Variants in ADGRL2 observed in about 807,000 individuals in gnomAD.
The protein encoded by ADGRL2 is calcium-independent alpha-latrotoxin receptor 2.
ADGRL2 carries 44 observed loss-of-function variants against 157.4 expected under a neutral mutation model. That is an observed-to-expected ratio of 0.28 (90% confidence interval 0.22 to 0.36). ADGRL2 has a LOEUF of 0.36. Ranked by LOEUF, ADGRL2 falls within the 10% of genes least tolerant of loss-of-function variation. ADGRL2 has a pLI of 1.00. For missense variants in ADGRL2, 1,510 were observed against 1,768.9 expected, an observed-to-expected ratio of 0.85 and a Z score of 2.63; for synonymous variants, 585 against 624.7, an observed-to-expected ratio of 0.94 and a Z score of 0.95.
intron 1 of ADGRL2, among the ~76,000 whole-genome samples, chr1:81,309,666 T>C (rs1476149269): frequency 6.6e-6 from 1 of 152,178 alleles, no homozygotes; most frequent in Non-Finnish European, 1.5e-5. Flanking sequence ...TTAGAAGTTG[T>C]TTCATTTAAC....
intron 3 of ADGRL2, among the ~76,000 whole-genome samples, chr1:81,583,716 C>T (rs755161152): frequency 3.3e-5 from 5 of 152,070 alleles, no homozygotes; most frequent in Non-Finnish European, 7.4e-5. Context: ...TTCAAGCACA[C>T]TTCTAAGGTT....
At chr1:81,781,440 T>TAA (rs974485012) in intron 2 of ADGRL2, among the ~76,000 whole-genome samples, 6 of 150,624 alleles carry the variant, frequency 4.0e-5, no homozygotes, top group Non-Finnish European at 7.4e-5. Flanking sequence ...GTTTTTCAGC[T>TAA]AAAAAAAAAG....
At chr1:81,819,255 G>A (rs1277449838) in intron 1 of ADGRL2, among the ~76,000 whole-genome samples, 1 of 152,068 alleles carries the variant, frequency 6.6e-6, no homozygotes. Context: ...TTAGAATTTG[G>A]CATTTGATTG....
chr1:81,537,857 G>A (rs143391675), intron 2 of ADGRL2, among the ~76,000 whole-genome samples: 6,486 of 151,704 alleles, frequency 0.043, 469 homozygotes, highest in African/African-American at 0.15. Context: ...TCACCACCAC[G>A]CCCAGCTAAT....
At chr1:81,784,910 T>C (rs2086968838) in intron 2 of ADGRL2, among the ~76,000 whole-genome samples, 1 of 152,162 alleles carries the variant, frequency 6.6e-6, no homozygotes, top group South Asian at 2.1e-4. Flanking sequence ...ATTAACTATA[T>C]CTTTTATCTT....
At chr1:81,984,744 C>CCTA in intron 20 of ADGRL2, 33 bp downstream of exon 20, 1 of 1,608,096 alleles carries the variant, frequency 6.2e-7, no homozygotes, top group Non-Finnish European at 8.5e-7. Context: ...CTTTAATTAA[C>CCTA]CTTATTTATA....
Position 81,943,369 on chromosome 1 carries a change from A to T in ADGRL2, c.810A>T (p.Leu270=). 6.2e-7 allele frequency: 1 copy of T among 1,613,740 alleles called. No homozygotes were observed. The highest frequency in any genetic ancestry group is 1.1e-5 in the South Asian group (1 of 91,080). ...YRWGGKTDID[L]AVDENGLWVI... ...GGGGAGGAAAGACTGATATCGACCT[A>T]GCAGTTGATGAAAATGGTTTATGGG... Residue 270 remains leucine, a synonymous_variant, in exon 6 of 24, where the codon CTA becomes CTT. Coordinates refer to ENST00000686636, the MANE Select transcript of ADGRL2 (RefSeq NM_001366006.2). This position sits in a 1 kb window ranked among gnomAD's most constrained non-coding sequence, Gnocchi z 5.6.
chr1:81,430,401 G>A (rs1176448704), intron 1 of ADGRL2, among the ~76,000 whole-genome samples: 1 of 152,182 alleles, frequency 6.6e-6, no homozygotes, highest in Non-Finnish European at 1.5e-5. Flanking sequence ...TTAGATTTGA[G>A]TGGAGAGCTC....
chr1:81,540,711 C>T (rs962011873), intron 2 of ADGRL2, among the ~76,000 whole-genome samples: 1 of 151,960 alleles, frequency 6.6e-6, no homozygotes, highest in Non-Finnish European at 1.5e-5. Flanking sequence ...TACTGACAGG[C>T]CCTGGTAAGA....
intron 3 of ADGRL2, among the ~76,000 whole-genome samples, chr1:81,607,665 T>C (rs1470692457): frequency 2.6e-5 from 4 of 152,228 alleles, no homozygotes; most frequent in Admixed American, 6.5e-5. Flanking sequence ...CCTTGTACTG[T>C]TGAAACATTT....
At chr1:81,419,476 G>A (rs538526080) in intron 1 of ADGRL2, among the ~76,000 whole-genome samples, 3 of 152,274 alleles carry the variant, frequency 2.0e-5, no homozygotes, top group Admixed American at 6.5e-5. Context: ...CCAAAGTACT[G>A]GCATTACAGG....
chr1:81,742,358 A>C (rs77265472), intron 1 of ADGRL2, among the ~76,000 whole-genome samples: 10,616 of 152,068 alleles, frequency 0.07, 471 homozygotes, highest in Non-Finnish European at 0.097. Flanking sequence ...CATATTGCTA[A>C]ACTCTTGTAC....
In ADGRL2 at chr1:81,990,872, C is replaced by A. The variant is rs374881882; in HGVS notation, c.4137C>A (p.Asp1379Glu). The change falls in exon 24 of 24, where the codon GAC becomes GAA. Residue 1379 changes from aspartate (D) to glutamate (E), a missense_variant. Physicochemically the swap from Asp to Glu is conservative, Grantham distance 45. This residue lies in a region of ADGRL2 where 327 missense variants were observed against 310.1 expected (regional missense o/e 1.05). Transcript: ENST00000686636. ...AEDHLQSPNR[D>E]SLYTSMPNLR... is the part of the protein sequence containing the mutation. ...ATCACCTACAGTCCCCCAACAGAGA[C>A]TCTCTTTATACAAGCATGCCCAATC... is the stretch of plus-strand genomic sequence containing the variant. 53 of 1,614,008 alleles carry A rather than the reference C, an allele frequency of 3.3e-5. No individual in the cohort carries two copies. Among genetic ancestry groups the A allele is most frequent in the Non-Finnish European group, 4.4e-5 (52 of 1,180,024 alleles).
At chr1:81,655,724 G>T (rs2082519307) in intron 3 of ADGRL2, among the ~76,000 whole-genome samples, 1 of 151,912 alleles carries the variant, frequency 6.6e-6, no homozygotes, top group African/African-American at 2.4e-5. Flanking sequence ...TGTCTTCTTT[G>T]TGATACCATC....
intron 3 of ADGRL2, among the ~76,000 whole-genome samples, chr1:81,613,190 T>C (rs750434897): frequency 3.3e-5 from 5 of 152,222 alleles, no homozygotes; most frequent in African/African-American, 7.2e-5. Context: ...TGAGATCATT[T>C]TACTTGTCTC....
chr1:81,369,886 T>G (rs1179494045), intron 1 of ADGRL2, among the ~76,000 whole-genome samples: 2 of 152,198 alleles, frequency 1.3e-5, no homozygotes, highest in Non-Finnish European at 2.9e-5. Flanking sequence ...TCACTAAGCT[T>G]TTTGGAACTG....
At chr1:81,431,593 C>G (rs1277388291) in intron 1 of ADGRL2, among the ~76,000 whole-genome samples, 1 of 152,178 alleles carries the variant, frequency 6.6e-6, no homozygotes, top group Non-Finnish European at 1.5e-5. Context: ...AACCACATTC[C>G]GCTGTAAACA....
chr1:81,518,008 T>G (rs1197250199), intron 2 of ADGRL2, among the ~76,000 whole-genome samples: 1 of 152,260 alleles, frequency 6.6e-6, no homozygotes, highest in East Asian at 1.9e-4. Context: ...ATTTCCATAC[T>G]TAACACCTTA....
intron 1 of ADGRL2, among the ~76,000 whole-genome samples, chr1:81,390,398 C>T (rs116323652): frequency 3.3e-5 from 5 of 151,782 alleles, no homozygotes; most frequent in Non-Finnish European, 7.4e-5. Context: ...AGGCACGAAC[C>T]AAATATTAGC....
Sources: allele counts gnomAD v4.1 joint callset (sites outside exome capture counted in the v4.1 genomes callset), GRCh38; gene constraint gnomAD v4.1.1; regional missense constraint gnomAD v4.1.1; non-coding constraint Gnocchi (gnomAD v3.1); transcripts MANE v1.5; gene names NCBI Gene and HGNC (gene_info 2026-07-23, HGNC 2026-07-21).